RHOA: variants seen among roughly 807,000 people sequenced by gnomAD.
The protein encoded by RHOA is ras homolog family member A.
In RHOA, 3 loss-of-function variants were observed where a neutral mutation model predicts 17.5. The ratio of observed to expected loss-of-function variants is 0.17; its 90% CI spans 0.08 to 0.44. RHOA has a LOEUF of 0.44. Among genes scored for constraint, RHOA ranks in the 20% least tolerant of loss-of-function variants. The pLI is 0.99. For missense variants in RHOA, 56 were observed against 242.3 expected (o/e 0.23, Z 5.10); for synonymous variants, 98 against 88.4 (o/e 1.11, Z -0.61).
chr3:49,394,975 C>T (rs547203914), intron 1 of RHOA, among the ~76,000 whole-genome samples: 4 of 151,936 alleles, frequency 2.6e-5, no homozygotes, highest in African/African-American at 4.8e-5. Flanking sequence ...GGCGGTCGGG[C>T]GCGGTGGCTC....
intron 1 of RHOA, among the ~76,000 whole-genome samples, chr3:49,384,137 GT>G (rs1192133196): frequency 2.0e-5 from 3 of 152,180 alleles, no homozygotes; most frequent in Non-Finnish European, 4.4e-5. Context: ...AAAATTACAA[GT>G]GATTATCGGA....
At chr3:49,406,277 T>G (rs949944214) in intron 1 of RHOA, among the ~76,000 whole-genome samples, 18 of 152,200 alleles carry the variant, frequency 1.2e-4, no homozygotes, top group African/African-American at 4.1e-4. Flanking sequence ...GCATATGATC[T>G]CTAGGTCCAT....
intron 2 of RHOA, among the ~76,000 whole-genome samples, chr3:49,369,502 G>A (rs1449506392): frequency 2.6e-5 from 4 of 151,678 alleles, no homozygotes; most frequent in Non-Finnish European, 5.9e-5. Context: ...GGAGGCTGAG[G>A]CGGGCTGACT....
intron 1 of RHOA, among the ~76,000 whole-genome samples, chr3:49,407,436 T>C (rs1378066684): frequency 2.0e-5 from 3 of 152,018 alleles, no homozygotes; most frequent in African/African-American, 4.8e-5. Flanking sequence ...GGTTTCACCA[T>C]GTGGCCAGGC....
At chr3:49,404,573 C>T (rs1427528039) in intron 1 of RHOA, among the ~76,000 whole-genome samples, 2 of 138,348 alleles carry the variant, frequency 1.4e-5, no homozygotes, top group African/African-American at 2.8e-5. Context: ...GATTGTGCCA[C>T]TACACTCCAG....
At chr3:49,405,673 C>T (rs1400828425) in intron 1 of RHOA, among the ~76,000 whole-genome samples, 1 of 152,072 alleles carries the variant, frequency 6.6e-6, no homozygotes, top group Admixed American at 6.6e-5. Context: ...TACTCTACTG[C>T]CTTTTCTTTC....
intron 1 of RHOA, among the ~76,000 whole-genome samples, chr3:49,397,898 T>C (rs1418299041): frequency 6.6e-6 from 1 of 152,194 alleles, no homozygotes; most frequent in Non-Finnish European, 1.5e-5. Flanking sequence ...GACATGGTGC[T>C]ATATTATCCT....
At chr3:49,393,178 A>T (rs2048538126) in intron 1 of RHOA, among the ~76,000 whole-genome samples, 1 of 152,066 alleles carries the variant, frequency 6.6e-6, no homozygotes, top group Non-Finnish European at 1.5e-5. Flanking sequence ...CTCAAAAAAT[A>T]AAAAAATCAG....
rs1161740592 is a variant in RHOA at position 49,359,966 on chromosome 3, GGT to G, written c.*241_*242del. The G allele has an allele frequency of 2.4e-6, 1 of 417,062 alleles. No individual in the cohort carries two copies. Among genetic ancestry groups the G allele is most frequent in the Non-Finnish European group, 4.3e-6 (1 of 234,938 alleles). The allele number at this position is 417,062 out of a possible 1,614,324, so 25.8% of individuals were successfully genotyped here. A position where few individuals can be genotyped will look rare whatever the true frequency, so the allele number is the denominator to read the frequency against. ...TAAGAAATTCCTTGAATTAGCGCCT[GGT>G]GTGTCAGGTGGGAGTGCAGAGGAGG... On this transcript the variant is annotated 3_prime_UTR_variant, in exon 5 of 5. Coordinates refer to ENST00000418115, the MANE Select transcript of RHOA (RefSeq NM_001664.4).
intron 1 of RHOA, among the ~76,000 whole-genome samples, chr3:49,399,623 G>A (rs1025715866): frequency 2.7e-5 from 4 of 150,856 alleles, no homozygotes; most frequent in African/African-American, 9.8e-5. Flanking sequence ...TGTCACTCAG[G>A]CTGCAGTGCT....
In RHOA at chr3:49,368,480, T is replaced by A; in HGVS notation, c.225A>T (p.Pro75=). ...AACACATCAGTATAACATCGGTATC[T>A]GGGTAGGAGAGGGGCCTCAGGCGAT... The part of the protein sequence containing the change: ...DYDRLRPLSY[P]DTDVILMCFS... The change falls in exon 3 of 5, where the codon CCA becomes CCT. Residue 75 remains proline, a synonymous_variant. Coordinates refer to ENST00000418115, the MANE Select transcript of RHOA (RefSeq NM_001664.4). 1 of 1,614,072 alleles carries A rather than the reference T, an allele frequency of 6.2e-7. No individual in the cohort carries two copies. The highest frequency in any genetic ancestry group is 8.5e-7 in the Non-Finnish European group (1 of 1,180,006).
chr3:49,366,326 G>T (rs1392796666), intron 3 of RHOA, among the ~76,000 whole-genome samples: 1 of 152,156 alleles, frequency 6.6e-6, no homozygotes, highest in Non-Finnish European at 1.5e-5. Flanking sequence ...AACTAGGCTG[G>T]GTGTGGTGGC....
chr3:49,396,259 G>A (rs1201745869), intron 1 of RHOA, among the ~76,000 whole-genome samples: 1 of 152,116 alleles, frequency 6.6e-6, no homozygotes, highest in Non-Finnish European at 1.5e-5. Context: ...TGAGATATGT[G>A]GTGGAAAATG....
rs1207631682 is a variant in RHOA at position 49,387,739 on chromosome 3, TCAAAAAAAAAAAA to T, written c.-2-12161_-2-12149del. Among the ~76,000 whole-genome samples the T allele has an allele frequency of 1.6e-4, 21 of 128,334 alleles. 1 individual carries two copies. Among genetic ancestry groups the T allele is most frequent in the Admixed American group, 8.0e-4 (10 of 12,542 alleles). 84.2% of individuals were successfully genotyped at this position (128,334 alleles called of 152,430 possible). On this transcript the variant is annotated intron_variant, in intron 1 of 4. Transcript: ENST00000418115. ...GGGGGACAGAGCGAGACTCCAGGTC[TCAAAAAAAAAAAA>T]CAAAAAAAAAAACCCTATTATGTTT...
chr3:49,366,953 A>G (rs1312415166), intron 3 of RHOA: 2 of 152,048 alleles, frequency 1.3e-5, no homozygotes, highest in African/African-American at 4.8e-5. Flanking sequence ...TTATTAATAG[A>G]TACCTCATCA....
chr3:49,409,152 T>G (rs1207752783), intron 1 of RHOA, among the ~76,000 whole-genome samples: 1 of 150,608 alleles, frequency 6.6e-6, no homozygotes, highest in Non-Finnish European at 1.5e-5. Flanking sequence ...CCCAGCACTT[T>G]GGGAGGCCAA....
chr3:49,362,365 G>C, intron 4 of RHOA, 131 bp downstream of exon 4: 1 of 859,058 alleles, frequency 1.2e-6, no homozygotes, highest in East Asian at 2.7e-5. Context: ...ATGAGGGTCA[G>C]AGGGCCACAG....
chr3:49,407,933 G>C (rs543917482), intron 1 of RHOA, among the ~76,000 whole-genome samples: 3 of 152,148 alleles, frequency 2.0e-5, no homozygotes, highest in Non-Finnish European at 4.4e-5. Flanking sequence ...AGGCCAAGGG[G>C]GGCAGATCAC....
rs530022495 is a variant in RHOA, at chr3:49,393,731, A to T, written c.-3+18089T>A. ...GTGTGTGTGTGTGTGTGTGTGTGTG[A>T]CAGAATCTCGCTCTGTCGCCCAGGC... On this transcript the variant is annotated intron_variant, in intron 1 of 4. Coordinates refer to ENST00000418115, the MANE Select transcript of RHOA (RefSeq NM_001664.4). Among the ~76,000 whole-genome samples, 224 of 126,178 alleles carry T rather than the reference A, an allele frequency of 1.8e-3. 4 individuals carry two copies. Among genetic ancestry groups the T allele is most frequent in the African/African-American group, 6.6e-3 (211 of 31,826 alleles). The allele number at this position is 126,178 out of a possible 152,430, so 82.8% of individuals were successfully genotyped here. A position where few individuals can be genotyped will look rare whatever the true frequency, so the allele number is the denominator to read the frequency against.
Sources: allele counts gnomAD v4.1 joint callset (sites outside exome capture counted in the v4.1 genomes callset), GRCh38; gene constraint gnomAD v4.1.1; transcripts MANE v1.5; gene names NCBI Gene and HGNC (gene_info 2026-07-23, HGNC 2026-07-21).